The following ALCAM variants were observed in gnomAD, a reference collection of about 807,000 sequenced individuals.
ALCAM encodes the protein activated leukocyte cell adhesion molecule.
A neutral mutation model predicts 70.9 loss-of-function variants in ALCAM; 30 were observed. That is an observed-to-expected ratio of 0.42 (90% confidence interval 0.32 to 0.57). The LOEUF is 0.57. ALCAM is among the 20% of genes least tolerant of loss of function. The probability of loss-of-function intolerance (pLI) is 0.11; values close to 1 mark genes in which losing one functional copy is unlikely to be tolerated. For synonymous variants in ALCAM, 249 were observed against 242.5 expected, an observed-to-expected ratio of 1.03 and a Z score of -0.25; for missense variants, 591 against 695.1, an observed-to-expected ratio of 0.85 and a Z score of 1.68.
chr3:105,481,683 T>G (rs144714244), intron 1 of ALCAM, among the ~76,000 whole-genome samples: 499 of 152,320 alleles, frequency 3.3e-3, no homozygotes, highest in Middle Eastern at 6.8e-3. Flanking sequence ...ATTTTGTTGG[T>G]TGAATTTCTC....
chr3:105,570,623 C>T (rs549601936), intron 14 of ALCAM, among the ~76,000 whole-genome samples: 10 of 152,212 alleles, frequency 6.6e-5, no homozygotes, highest in African/African-American at 2.4e-4. Context: ...AATGAAAGAG[C>T]AAGAATAGCA....
intron 1 of ALCAM, among the ~76,000 whole-genome samples, chr3:105,382,739 T>C (rs1157567673): frequency 6.6e-6 from 1 of 152,086 alleles, no homozygotes; most frequent in African/African-American, 2.4e-5. Flanking sequence ...AAATGTCTTC[T>C]TTTGAGAACT....
chr3:105,546,569 A>G (rs1940252606), intron 9 of ALCAM, among the ~76,000 whole-genome samples: 1 of 151,496 alleles, frequency 6.6e-6, no homozygotes, highest in African/African-American at 2.4e-5. Flanking sequence ...ATTCATAATC[A>G]TTTGAACACT....
intron 1 of ALCAM, among the ~76,000 whole-genome samples, chr3:105,460,830 G>A (rs1017082071): frequency 2.0e-5 from 3 of 151,864 alleles, no homozygotes; most frequent in Non-Finnish European, 4.4e-5. Context: ...AGGAGGATTA[G>A]TTTTCACATT....
At chr3:105,390,689 T>C (rs1182975936) in intron 1 of ALCAM, among the ~76,000 whole-genome samples, 2 of 152,142 alleles carry the variant, frequency 1.3e-5, no homozygotes, top group African/African-American at 4.8e-5. Context: ...ATGTCCTGAA[T>C]GGTATTGCCT....
intron 1 of ALCAM, among the ~76,000 whole-genome samples, chr3:105,376,329 T>C (rs1205106283): frequency 6.6e-6 from 1 of 152,204 alleles, no homozygotes; most frequent in Non-Finnish European, 1.5e-5. Flanking sequence ...CCACAATTCC[T>C]AGTGACATGT....
chr3:105,411,453 A>G (rs1559782730), intron 1 of ALCAM, among the ~76,000 whole-genome samples: 1 of 152,066 alleles, frequency 6.6e-6, no homozygotes, highest in South Asian at 2.1e-4. Flanking sequence ...TAGTAGCAGC[A>G]GCAGCAGCTG....
chr3:105,393,206 T>G (rs1935866605), intron 1 of ALCAM, among the ~76,000 whole-genome samples: 1 of 151,764 alleles, frequency 6.6e-6, no homozygotes, highest in South Asian at 2.1e-4. Context: ...TAGTCTATGT[T>G]TAAGTTAAAT....
intron 14 of ALCAM, among the ~76,000 whole-genome samples, chr3:105,563,543 A>G (rs1247654574): frequency 6.6e-6 from 1 of 151,680 alleles, no homozygotes; most frequent in East Asian, 1.9e-4. Context: ...AATTCCTCTC[A>G]GCACTGTTAC....
At chr3:105,513,049 T>G (rs888921790) in intron 1 of ALCAM, among the ~76,000 whole-genome samples, 8 of 151,804 alleles carry the variant, frequency 5.3e-5, no homozygotes, top group African/African-American at 1.9e-4. Flanking sequence ...AATCTAGATT[T>G]TTTTGGTTCA....
intron 1 of ALCAM, among the ~76,000 whole-genome samples, chr3:105,391,485 G>GAGATTTTT (rs1935816382): frequency 6.6e-6 from 1 of 151,672 alleles, no homozygotes; most frequent in African/African-American, 2.4e-5. Context: ...ATCAGCTTTG[G>GAGATTTTT]GGCTAAGATG....
rs142063833 is a variant in ALCAM at position 105,481,336 on chromosome 3, C to T, written c.74-38731C>T. 7.2e-3 allele frequency among the ~76,000 whole-genome samples: 1,094 copies of T among 152,050 alleles called. 14 individuals carry two copies. The highest frequency in any genetic ancestry group is 0.025 in the African/African-American group (1,041 of 41,478). On this transcript the variant is annotated intron_variant, in intron 1 of 15. Transcript: ENST00000306107. ...TCTTACTCACTGATTGCAAGCAGAA[C>T]CAGGGGAGACTTTGATTACTCACAG...
chr3:105,512,428 AAC>A (rs1473921968), intron 1 of ALCAM, among the ~76,000 whole-genome samples: 2 of 151,900 alleles, frequency 1.3e-5, no homozygotes, highest in Non-Finnish European at 2.9e-5. Flanking sequence ...ATTTCAATAC[AAC>A]TTATGTGGTA....
At chr3:105,427,615 A>G (rs1233353201) in intron 1 of ALCAM, among the ~76,000 whole-genome samples, 2 of 151,748 alleles carry the variant, frequency 1.3e-5, no homozygotes, top group Non-Finnish European at 2.9e-5. Flanking sequence ...CACCTTGCCT[A>G]GGACAAGGGC....
intron 1 of ALCAM, among the ~76,000 whole-genome samples, chr3:105,437,311 T>G (rs1037558899): frequency 1.3e-5 from 2 of 152,232 alleles, no homozygotes; most frequent in African/African-American, 4.8e-5. Context: ...AATTATATAT[T>G]TTTAAACCGA....
At chr3:105,537,801 G>A (rs1940010931) in intron 6 of ALCAM, among the ~76,000 whole-genome samples, 1 of 152,068 alleles carries the variant, frequency 6.6e-6, no homozygotes. Flanking sequence ...TACAAATAGA[G>A]GAAAAGTTCA....
chr3:105,454,230 C>G (rs1375398580), intron 1 of ALCAM, among the ~76,000 whole-genome samples: 2 of 152,192 alleles, frequency 1.3e-5, no homozygotes, highest in Non-Finnish European at 2.9e-5. Context: ...TGATACTCTT[C>G]TTAATTTATT....
In ALCAM at chr3:105,436,230, G is replaced by A. The variant is rs898000461; in HGVS notation, c.73+68749G>A. Among the ~76,000 whole-genome samples, 8 of 152,198 alleles carry A rather than the reference G, an allele frequency of 5.3e-5. 1 individual carries two copies. The South Asian group carries it at 1.4e-3, about 28-fold the overall frequency. ...CACAGAGCCAAACCATATTAGTTTG[G>A]TTTTCCCTTGTCTTGACTTCATTTG... On this transcript the variant is annotated intron_variant, in intron 1 of 15. Transcript: ENST00000306107.
chr3:105,455,321 G>A (rs1440911877), intron 1 of ALCAM, among the ~76,000 whole-genome samples: 2 of 151,282 alleles, frequency 1.3e-5, no homozygotes, highest in Admixed American at 6.6e-5. Context: ...GGGCGCCTGT[G>A]GTCCCAGCTA....
Sources: allele counts gnomAD v4.1 joint callset (sites outside exome capture counted in the v4.1 genomes callset), GRCh38; gene constraint gnomAD v4.1.1; transcripts MANE v1.5; gene names NCBI Gene and HGNC (gene_info 2026-07-23, HGNC 2026-07-21).